Variants in C1orf141 observed in about 807,000 individuals in gnomAD.
C1orf141 encodes the protein uncharacterized protein C1orf141.
A neutral mutation model predicts 23.2 loss-of-function variants in C1orf141; 19 were observed. The observed-to-expected ratio is 0.82, with a 90% CI of 0.57 to 1.20. The LOEUF is 1.20. C1orf141 is among the 50% of genes most tolerant of loss of function. The probability of loss-of-function intolerance (pLI) is 0.00; values close to 1 mark genes in which losing one functional copy is unlikely to be tolerated. For synonymous variants in C1orf141, 153 were observed against 154.6 expected, an observed-to-expected ratio of 0.99 and a Z score of 0.08; for missense variants, 469 against 455.1, an observed-to-expected ratio of 1.03 and a Z score of -0.28.
At chr1:67,111,993 T>A (rs1378461865) in intron 5 of C1orf141, among the ~76,000 whole-genome samples, 1 of 152,212 alleles carries the variant, frequency 6.6e-6, no homozygotes, top group Non-Finnish European at 1.5e-5. Flanking sequence ...CCCTTCTACC[T>A]GCATTTCTCT....
intron 1 of C1orf141, among the ~76,000 whole-genome samples, chr1:67,131,822 C>T (rs933259677): frequency 1.4e-5 from 2 of 142,044 alleles, no homozygotes; most frequent in Non-Finnish European, 3.0e-5. Flanking sequence ...TGGAGTCTCG[C>T]AGTCTAGGCT....
At chr1:67,098,003 T>C (rs1184298850) in intron 5 of C1orf141, among the ~76,000 whole-genome samples, 1 of 152,180 alleles carries the variant, frequency 6.6e-6, no homozygotes, top group South Asian at 2.1e-4. Flanking sequence ...TTGGCTAACC[T>C]GGAACTAAGT....
chr1:67,141,368 ATGGCC>A (rs1350717849), intron 1 of C1orf141, among the ~76,000 whole-genome samples: 6 of 152,140 alleles, frequency 3.9e-5, no homozygotes, highest in African/African-American at 1.4e-4. Flanking sequence ...ACACTTCAAC[ATGGCC>A]AAAAGACTTT....
At chr1:67,115,704 C>T (rs1646180530) in intron 4 of C1orf141, among the ~76,000 whole-genome samples, 1 of 152,184 alleles carries the variant, frequency 6.6e-6, no homozygotes, top group East Asian at 1.9e-4. Context: ...GCATTGAGGG[C>T]ACTCCAAGAA....
intron 3 of C1orf141, among the ~76,000 whole-genome samples, chr1:67,126,926 C>T (rs1334176158): frequency 2.0e-5 from 3 of 152,140 alleles, no homozygotes; most frequent in African/African-American, 7.2e-5. Context: ...TTTATTTTTA[C>T]TAGTAAAATC....
chr1:67,111,593 A>C lies in C1orf141; in HGVS notation c.346+3759T>G, dbSNP rs41286734. ...TACACCTACCTCAGTTGTATCCTTA[A>C]GATAAAGATAGGGTCTAATAGATCT... On this transcript the variant is annotated intron_variant, in intron 5 of 7. Coordinates refer to ENST00000684719, the MANE Select transcript of C1orf141 (RefSeq NM_001276351.2). 3,240 of 1,346,496 alleles carry C rather than the reference A, an allele frequency of 2.4e-3. 5 individuals are homozygous for C. The highest frequency in any genetic ancestry group is 3.0e-3 in the Non-Finnish European group (3,007 of 1,009,874). 83.4% of individuals were successfully genotyped at this position (1,346,496 alleles called of 1,614,324 possible).
intron 4 of C1orf141, among the ~76,000 whole-genome samples, chr1:67,120,323 A>G (rs1477233208): frequency 6.6e-6 from 1 of 152,184 alleles, no homozygotes; most frequent in East Asian, 1.9e-4. Flanking sequence ...TTTCATCCAT[A>G]TCTGATTTAG....
chr1:67,110,252 G>A (rs1646038726), intron 5 of C1orf141, among the ~76,000 whole-genome samples: 1 of 151,932 alleles, frequency 6.6e-6, no homozygotes, highest in South Asian at 2.1e-4. Flanking sequence ...TATATAAAGG[G>A]GAATCAGGAG....
chr1:67,095,008 G>C (rs183815959), intron 7 of C1orf141: 223 of 434,242 alleles, frequency 5.1e-4, no homozygotes, highest in African/African-American at 1.9e-3. Context: ...TTTGATAAAG[G>C]CTTCTTCATA....
intron 1 of C1orf141, among the ~76,000 whole-genome samples, 184 bp downstream of exon 1, chr1:67,134,746 G>A (rs1461007431): frequency 6.6e-6 from 1 of 152,178 alleles, no homozygotes; most frequent in Non-Finnish European, 1.5e-5. Flanking sequence ...GCCTCTCGCC[G>A]CGGTCCCACA....
chr1:67,098,399 A>G (rs72933977), intron 5 of C1orf141, among the ~76,000 whole-genome samples: 3,751 of 152,220 alleles, frequency 0.025, 162 homozygotes, highest in African/African-American at 0.085. Flanking sequence ...CGAACGCCTT[A>G]TAGTCTCAGC....
intron 3 of C1orf141, among the ~76,000 whole-genome samples, chr1:67,126,388 T>C (rs942687388): frequency 4.6e-5 from 7 of 152,068 alleles, no homozygotes; most frequent in Non-Finnish European, 1.5e-5. Context: ...TACAAATGGA[T>C]TGAAGAAGAA....
chr1:67,097,083 G>T (rs1645696899), intron 5 of C1orf141, among the ~76,000 whole-genome samples: 2 of 152,032 alleles, frequency 1.3e-5, no homozygotes, highest in African/African-American at 4.8e-5. Flanking sequence ...TAAACAAGGG[G>T]CATGGTGGTG....
chr1:67,105,365 A>T (rs554897059), intron 5 of C1orf141, among the ~76,000 whole-genome samples: 288 of 151,882 alleles, frequency 1.9e-3, no homozygotes, highest in African/African-American at 4.0e-3. Context: ...AACATAATTT[A>T]AAAAATTCTA....
chr1:67,113,238 C>G (rs1423718915), intron 5 of C1orf141, among the ~76,000 whole-genome samples: 1 of 151,888 alleles, frequency 6.6e-6, no homozygotes, highest in Non-Finnish European at 1.5e-5. Context: ...CCTTGACCTC[C>G]CAAAGATCTG....
chr1:67,112,405 A>G (rs1646093556), intron 5 of C1orf141, among the ~76,000 whole-genome samples: 1 of 152,154 alleles, frequency 6.6e-6, no homozygotes, highest in Admixed American at 6.6e-5. Context: ...TAAACAAACA[A>G]AAAAACAAGA....
At chr1:67,101,449 A>AGTGTGTGTGTGT (rs10688535) in intron 5 of C1orf141, among the ~76,000 whole-genome samples, 6,208 of 135,240 alleles carry the variant, frequency 0.046, 182 homozygotes, top group Admixed American at 0.073. Context: ...TGAATGTAAG[A>AGTGTGTGTGTGT]GTGTGTGTGT....
At chr1:67,135,906 C>CAAAAAAAAAAAAA (rs59519661), upstream of C1orf141, among the ~76,000 whole-genome samples, 23 of 62,588 alleles carry the variant, frequency 3.7e-4, 4 homozygotes, top group African/African-American at 4.5e-4. Flanking sequence ...GGCAAAACTG[C>CAAAAAAAAAAAAA]AAAAAAAAAA....
At chr1:67,103,491 A>G (rs1369706944) in intron 5 of C1orf141, 4 of 560,330 alleles carry the variant, frequency 7.1e-6, no homozygotes, top group Non-Finnish European at 1.1e-5. Flanking sequence ...AATTATGATA[A>G]CTAACAGCTG....
Sources: allele counts gnomAD v4.1 joint callset (sites outside exome capture counted in the v4.1 genomes callset), GRCh38; gene constraint gnomAD v4.1.1; transcripts MANE v1.5; gene names NCBI Gene and HGNC (gene_info 2026-07-23, HGNC 2026-07-21).